Variants in RYR2 observed in about 807,000 individuals in gnomAD.
RYR2 encodes cardiac muscle ryanodine receptor-calcium release channel.
RYR2 carries 227 observed loss-of-function variants against 601.1 expected under a neutral mutation model. The observed-to-expected ratio is 0.38, with a 90% CI of 0.34 to 0.42. The LOEUF is 0.42. Ranked by LOEUF, RYR2 falls within the 10% of genes least tolerant of loss-of-function variation. The pLI is 1.00. For synonymous variants in RYR2, 2,223 were observed against 2,175.1 expected (o/e 1.02, Z -0.61); for missense variants, 4,646 against 6,156.5 (o/e 0.75, Z 8.21).
chr1:237,152,772 A>G (rs1475610449), intron 1 of RYR2, among the ~76,000 whole-genome samples: 3 of 152,214 alleles, frequency 2.0e-5, no homozygotes, highest in Admixed American at 2.0e-4. Flanking sequence ...TGAAATCACC[A>G]AAAGCAATTG....
At chr1:237,120,947 G>A (rs1453563288) in intron 1 of RYR2, 1 of 152,022 alleles carries the variant, frequency 6.6e-6, no homozygotes, top group African/African-American at 2.4e-5. Context: ...GACCTTCCTC[G>A]ACAGAGGAGG....
rs1365270511 is a variant in RYR2 at position 237,459,027 on chromosome 1, T to C, written c.1612+2292T>C. On this transcript the variant is annotated intron_variant, in intron 16 of 104. Coordinates refer to ENST00000366574, the MANE Select transcript of RYR2 (RefSeq NM_001035.3). ...AGGGATATTGAGGCTTTATAGGAAT[T>C]TGGATTCATCATTTTACCCACAGTA... Among the ~76,000 whole-genome samples the C allele has an allele frequency of 7.9e-5, 12 of 152,208 alleles. No homozygotes were observed. The East Asian group carries it at 2.3e-3, about 29-fold the overall frequency.
chr1:237,680,168 G>C lies in RYR2; in HGVS notation c.8896-288G>C, dbSNP rs183415851. 1.3e-3 allele frequency among the ~76,000 whole-genome samples: 203 copies of C among 152,218 alleles called. 2 individuals carry two copies. The highest frequency in any genetic ancestry group is 4.7e-3 in the African/African-American group (195 of 41,528). The stretch of plus-strand genomic sequence containing the variant: ...TATGGATTATTTTGGGGTCTGCTGG[G>C]CACTGAACTATGTTATATGAAAACA... On this transcript the variant is annotated intron_variant, in intron 61 of 104. Coordinates refer to ENST00000366574, the MANE Select transcript of RYR2 (RefSeq NM_001035.3).
intron 27 of RYR2, among the ~76,000 whole-genome samples, chr1:237,559,330 G>A (rs1268718166): frequency 6.6e-6 from 1 of 151,972 alleles, no homozygotes; most frequent in Non-Finnish European, 1.5e-5. Context: ...AAAACCAACG[G>A]CCCCTCAATC....
chr1:237,360,315 G>C (rs998273980), intron 4 of RYR2, among the ~76,000 whole-genome samples: 110 of 152,272 alleles, frequency 7.2e-4, no homozygotes, highest in Non-Finnish European at 1.4e-3. Context: ...TCAATGTGTT[G>C]CTTTTGATTT....
chr1:237,672,963 C>T (rs184633260), intron 58 of RYR2, among the ~76,000 whole-genome samples: 25 of 152,144 alleles, frequency 1.6e-4, no homozygotes, highest in African/African-American at 6.0e-4. Flanking sequence ...CTGTAGATGG[C>T]GCTTTCAGTC....
intron 1 of RYR2, among the ~76,000 whole-genome samples, chr1:237,081,629 TC>T (rs1665684618): frequency 1.3e-5 from 2 of 151,630 alleles, no homozygotes; most frequent in South Asian, 4.2e-4. Context: ...ACGCACACAC[TC>T]TCTCTCTCCC....
intron 1 of RYR2, among the ~76,000 whole-genome samples, chr1:237,161,128 T>C (rs1675963099): frequency 6.6e-6 from 1 of 152,158 alleles, no homozygotes; most frequent in Non-Finnish European, 1.5e-5. Context: ...CATGCAAATA[T>C]TATGGGTAAA....
chr1:237,370,959 C>T (rs1487106890), intron 6 of RYR2, among the ~76,000 whole-genome samples: 1 of 150,732 alleles, frequency 6.6e-6, no homozygotes, highest in Non-Finnish European at 1.5e-5. Context: ...CGCGCCCGGC[C>T]TCATTCCATT....
intron 1 of RYR2, among the ~76,000 whole-genome samples, chr1:237,225,347 A>G (rs528858234): frequency 6.6e-6 from 1 of 152,344 alleles, no homozygotes; most frequent in South Asian, 2.1e-4. Flanking sequence ...TGGGTAATTT[A>G]TAAAGAAAAG....
chr1:237,364,397 A>ATG, intron 5 of RYR2, 25 bp downstream of exon 5: 1 of 1,325,608 alleles, frequency 7.5e-7, no homozygotes, highest in Non-Finnish European at 1.1e-6. Flanking sequence ...TATATATGCT[A>ATG]TGTATATATA....
chr1:237,660,044 A>C lies in RYR2; in HGVS notation c.8268A>C (p.Leu2756Phe), dbSNP rs746645236. 6.3e-7 allele frequency: 1 copy of C among 1,586,118 alleles called. No homozygotes were observed. The highest frequency in any genetic ancestry group is 1.8e-5 in the Admixed American group (1 of 55,644). ...CAGACTCTTCTAAGGTTCAGCCATT[A>C]ATGAAGCCATATAAGCTATTGTCTG... ...IYSDSSKVQP[L>F]MKPYKLLSEK... The change falls in exon 55 of 105, where the codon TTA becomes TTC. Residue 2756 changes from leucine (L) to phenylalanine (F), a missense_variant. Transcript: ENST00000366574.
intron 1 of RYR2, among the ~76,000 whole-genome samples, chr1:237,232,846 G>A (rs1189822030): frequency 1.3e-5 from 2 of 152,196 alleles, no homozygotes; most frequent in African/African-American, 4.8e-5. Context: ...CACATATTTG[G>A]TCACAGAAGT....
intron 63 of RYR2, 131 bp from the exon 64 acceptor site, chr1:237,698,834 G>A: frequency 1.9e-6 from 1 of 537,220 alleles, no homozygotes; most frequent in South Asian, 2.9e-5. Flanking sequence ...TTTCAAACTT[G>A]ATTATTAAAA....
intron 1 of RYR2, among the ~76,000 whole-genome samples, chr1:237,149,323 A>ACAAAAC (rs1300208861): frequency 4.6e-5 from 7 of 152,216 alleles, no homozygotes; most frequent in African/African-American, 1.7e-4. Context: ...AAAAACAAAA[A>ACAAAAC]CAAAAAACCA....
At chr1:237,825,273 G>A (rs1049971758) in intron 101 of RYR2, among the ~76,000 whole-genome samples, 1 of 152,078 alleles carries the variant, frequency 6.6e-6, no homozygotes, top group Admixed American at 6.5e-5. Context: ...TATACTACAA[G>A]GCTACAGTAA....
At chr1:237,676,425 G>A (rs562983651) in intron 60 of RYR2, among the ~76,000 whole-genome samples, 2 of 152,186 alleles carry the variant, frequency 1.3e-5, no homozygotes, top group East Asian at 3.9e-4. Flanking sequence ...CTATCCACAG[G>A]GTAGAGGGCC....
intron 62 of RYR2, among the ~76,000 whole-genome samples, chr1:237,683,954 G>T (rs1377302595): frequency 6.6e-6 from 1 of 151,826 alleles, no homozygotes; most frequent in Non-Finnish European, 1.5e-5. Context: ...TTGAGGTAGA[G>T]TCTCACTCTG....
intron 2 of RYR2, among the ~76,000 whole-genome samples, chr1:237,284,194 C>G (rs1485615011): frequency 1.3e-5 from 2 of 151,960 alleles, no homozygotes; most frequent in Non-Finnish European, 2.9e-5. Flanking sequence ...ACCAGCCTGG[C>G]CAACATGGAG....
Sources: gnomAD v4.1 joint callset for allele counts (sites outside exome capture counted in the v4.1 genomes callset) on GRCh38, gnomAD v4.1.1 for gene constraint, MANE v1.5 for transcripts, NCBI Gene and HGNC (gene_info 2026-07-23, HGNC 2026-07-21) for gene names.